FCHO2: variants seen among roughly 807,000 people sequenced by gnomAD.
FCHO2 encodes F-BAR domain only protein 2.
Under a neutral mutation model 114.1 loss-of-function variants are expected in FCHO2, and 43 were observed. That is an observed-to-expected ratio of 0.38 (90% CI 0.30 to 0.49). The LOEUF is 0.49. FCHO2 is among the 20% of genes least tolerant of loss of function. The pLI is 0.97. For synonymous variants in FCHO2, 293 were observed against 315.2 expected, an observed-to-expected ratio of 0.93 and a Z score of 0.75; for missense variants, 807 against 950.4, an observed-to-expected ratio of 0.85 and a Z score of 1.98.
chr5:73,036,992 G>A (rs189071030), intron 9 of FCHO2, 151 bp from the exon 10 acceptor site: 85 of 466,302 alleles, frequency 1.8e-4, no homozygotes, highest in Middle Eastern at 1.7e-3. Flanking sequence ...AACCAATAGG[G>A]TTGAGTGGTT....
intron 5 of FCHO2, among the ~76,000 whole-genome samples, chr5:72,999,380 T>C (rs1441018313): frequency 1.4e-5 from 1 of 69,320 alleles, no homozygotes; most frequent in African/African-American, 1.8e-4. Flanking sequence ...TCACAGGCCT[T>C]TTTTTTTTTT....
At chr5:72,985,180 G>A (rs1410048010) in intron 2 of FCHO2, among the ~76,000 whole-genome samples, 5 of 137,590 alleles carry the variant, frequency 3.6e-5, no homozygotes, top group Admixed American at 1.4e-4. Context: ...TTTTTTTTTT[G>A]GACTGAGTCT....
At chr5:73,034,771 T>G in intron 9 of FCHO2, 70 bp downstream of exon 9, 3 of 1,256,970 alleles carry the variant, frequency 2.4e-6, no homozygotes, top group Non-Finnish European at 3.3e-6. Context: ...ATTGAACAAA[T>G]AAGGAGGGAC....
At chr5:73,065,043 G>A (rs1485464708) in intron 18 of FCHO2, among the ~76,000 whole-genome samples, 10 of 151,884 alleles carry the variant, frequency 6.6e-5, no homozygotes, top group Admixed American at 6.6e-4. Flanking sequence ...CATGATGCCT[G>A]TTGGGTGGTA....
chr5:73,027,812 A>G (rs1057190946), intron 8 of FCHO2, among the ~76,000 whole-genome samples: 1 of 152,230 alleles, frequency 6.6e-6, no homozygotes, highest in East Asian at 1.9e-4. Flanking sequence ...TAAGCACATG[A>G]AAAGATACCC....
rs757480874 is a variant in FCHO2 at position 73,052,313 on chromosome 5, T to A, written c.998-19T>A. On this transcript the variant is annotated intron_variant, in intron 12 of 25. Coordinates refer to ENST00000430046, the MANE Select transcript of FCHO2 (RefSeq NM_138782.3). ...TACGTCTAAGGTAATTTAAAAACAA[T>A]TCTTTAACTGAAACTCACATACCAA... 6.3e-7 allele frequency: 1 copy of A among 1,584,418 alleles called. No individual in the cohort carries two copies. The highest frequency in any genetic ancestry group is 1.4e-5 in the African/African-American group (1 of 73,528).
At chr5:72,961,833 C>G (rs919348970) in intron 1 of FCHO2, among the ~76,000 whole-genome samples, 1 of 152,080 alleles carries the variant, frequency 6.6e-6, no homozygotes, top group Non-Finnish European at 1.5e-5. Context: ...TCAGGTGATC[C>G]GCCTGCCTCG....
chr5:73,088,205 G>C lies in FCHO2; in HGVS notation c.*115G>C. The C allele has an allele frequency of 7.4e-7, 1 of 1,354,872 alleles. No individual in the cohort carries two copies. The highest frequency in any genetic ancestry group is 1.3e-5 in the South Asian group (1 of 79,402). 83.9% of individuals were successfully genotyped at this position (1,354,872 alleles called of 1,614,324 possible). On this transcript the variant is annotated 3_prime_UTR_variant, in exon 26 of 26. Transcript: ENST00000430046. Reference sequence around the variant, plus strand: ...ATGTCTTTCAAACTTAGACATATTTGAGAGCTGACTACAAACATTAAATCG... The same window carrying C: ...ATGTCTTTCAAACTTAGACATATTTCAGAGCTGACTACAAACATTAAATCG...
intron 8 of FCHO2, among the ~76,000 whole-genome samples, chr5:73,018,963 TAG>T (rs1424023436): frequency 3.3e-5 from 5 of 152,186 alleles, no homozygotes; most frequent in Non-Finnish European, 7.3e-5. Context: ...TTTGGATAAA[TAG>T]ACTCATAGGG....
intron 5 of FCHO2, among the ~76,000 whole-genome samples, chr5:73,005,609 G>T (rs932272873): frequency 6.6e-6 from 1 of 152,040 alleles, no homozygotes; most frequent in African/African-American, 2.4e-5. Flanking sequence ...TATCCAAGTT[G>T]ATCAGGCCTT....
At chr5:73,021,104 G>A (rs1270481559) in intron 8 of FCHO2, 4 of 795,934 alleles carry the variant, frequency 5.0e-6, no homozygotes, top group East Asian at 2.4e-5. Flanking sequence ...TCCCCCAGTG[G>A]GTTGATGACA....
intron 8 of FCHO2, among the ~76,000 whole-genome samples, chr5:73,034,079 T>C (rs185764787): frequency 9.2e-5 from 14 of 152,324 alleles, no homozygotes; most frequent in African/African-American, 3.4e-4. Flanking sequence ...TAGAGAGATC[T>C]GGATTATAAT....
At chr5:73,044,523 T>C (rs147110962) in intron 11 of FCHO2, among the ~76,000 whole-genome samples, 7 of 152,350 alleles carry the variant, frequency 4.6e-5, no homozygotes, top group Non-Finnish European at 1.0e-4. Flanking sequence ...TCTTACTAAT[T>C]ATTTTTTAAA....
chr5:73,039,861 G>A (rs1381746494), intron 10 of FCHO2, among the ~76,000 whole-genome samples: 7 of 151,394 alleles, frequency 4.6e-5, no homozygotes, highest in African/African-American at 1.7e-4. Context: ...CTGGAAGGCC[G>A]AAGTTGCAGT....
intron 2 of FCHO2, among the ~76,000 whole-genome samples, chr5:72,978,115 A>G (rs1453359990): frequency 6.6e-6 from 1 of 152,176 alleles, no homozygotes; most frequent in Non-Finnish European, 1.5e-5. Context: ...TCCATATGAA[A>G]TTCAAAGTAG....
intron 17 of FCHO2, among the ~76,000 whole-genome samples, chr5:73,062,360 A>G (rs920818688): frequency 3.3e-5 from 5 of 152,256 alleles, no homozygotes; most frequent in African/African-American, 1.2e-4. Context: ...GTCAATCTAA[A>G]TGCCATTTGG....
intron 1 of FCHO2, among the ~76,000 whole-genome samples, chr5:72,967,488 A>G (rs1013985687): frequency 6.6e-6 from 1 of 152,074 alleles, no homozygotes; most frequent in African/African-American, 2.4e-5. Context: ...TAAAGCACAA[A>G]CTCCAAATTA....
At chr5:73,074,505 G>A (rs1290596623) in intron 19 of FCHO2, among the ~76,000 whole-genome samples, 2 of 151,840 alleles carry the variant, frequency 1.3e-5, no homozygotes, top group Non-Finnish European at 2.9e-5. Context: ...TAACCATTCT[G>A]TCTTTCCATT....
At chr5:72,972,964 T>G (rs1752649890) in intron 2 of FCHO2, among the ~76,000 whole-genome samples, 1 of 152,238 alleles carries the variant, frequency 6.6e-6, no homozygotes, top group South Asian at 2.1e-4. Context: ...GATAATCATG[T>G]GGTTTTTGTC....
Sources: gnomAD v4.1 joint callset for allele counts (sites outside exome capture counted in the v4.1 genomes callset) on GRCh38, gnomAD v4.1.1 for gene constraint, MANE v1.5 for transcripts, NCBI Gene and HGNC (gene_info 2026-07-23, HGNC 2026-07-21) for gene names.